Variants in ZSWIM6 observed in about 807,000 individuals in gnomAD.
The protein encoded by ZSWIM6 is zinc finger SWIM domain-containing protein 6.
Under a neutral mutation model 113.2 loss-of-function variants are expected in ZSWIM6, and 9 were observed. The ratio of observed to expected loss-of-function variants is 0.08; its 90% CI spans 0.05 to 0.14. ZSWIM6 has a LOEUF of 0.14. ZSWIM6 is among the 10% of genes least tolerant of loss of function. The probability of loss-of-function intolerance (pLI) is 1.00; values close to 1 mark genes in which losing one functional copy is unlikely to be tolerated. For synonymous variants in ZSWIM6, 611 were observed against 606.5 expected (o/e 1.01, Z -0.11); for missense variants, 1,162 against 1,552.2 (o/e 0.75, Z 4.22).
chr5:61,502,035 G>A (rs1376221660), intron 4 of ZSWIM6, among the ~76,000 whole-genome samples: 1 of 152,180 alleles, frequency 6.6e-6, no homozygotes, highest in East Asian at 1.9e-4. Context: ...TATCATGGTA[G>A]GGTGGAGGGG....
chr5:61,334,592 A>G (rs575801128), intron 1 of ZSWIM6, among the ~76,000 whole-genome samples: 8 of 152,310 alleles, frequency 5.3e-5, no homozygotes, highest in South Asian at 2.1e-4. Flanking sequence ...TTTGAATTCT[A>G]ATGCCATCTG....
intron 1 of ZSWIM6, among the ~76,000 whole-genome samples, chr5:61,363,982 C>CT (rs1745097904): frequency 6.7e-6 from 1 of 148,614 alleles, no homozygotes; most frequent in South Asian, 2.2e-4. Context: ...CCCTCCCTCC[C>CT]TCCCTCCCTT....
chr5:61,472,649 TA>T lies in ZSWIM6; in HGVS notation c.677-29del. 5 of 1,456,182 alleles carry T rather than the reference TA, an allele frequency of 3.4e-6. No homozygotes were observed. Among genetic ancestry groups the T allele is most frequent in the Non-Finnish European group, 4.6e-6 (5 of 1,091,326 alleles). 90.2% of individuals were successfully genotyped at this position (1,456,182 alleles called of 1,614,324 possible). A position where few individuals can be genotyped will look rare whatever the true frequency, so the allele number is the denominator to read the frequency against. On this transcript the variant is annotated intron_variant, in intron 1 of 13. Transcript: ENST00000252744. This position sits in a 1 kb window ranked among gnomAD's most constrained non-coding sequence, Gnocchi z 4.1. ...TTTCATAGCATCTGAATGCAGAAGC[TA>T]AACCCTCCCTTTCTTTCTTTCACCC...
At position 61,544,418 on chromosome 5, in the gene ZSWIM6, C is replaced by T; in HGVS notation, c.*101C>T. ...CTTTTTAACTTAAAGAACAGAGCCA[C>T]ACCGGTATTATATGTGTATAGTTAT... On this transcript the variant is annotated 3_prime_UTR_variant, in exon 14 of 14. Coordinates refer to ENST00000252744, the MANE Select transcript of ZSWIM6 (RefSeq NM_020928.2). 1 of 774,246 alleles carries T rather than the reference C, an allele frequency of 1.3e-6. No homozygotes were observed. 48.0% of individuals were successfully genotyped at this position (774,246 alleles called of 1,614,324 possible).
intron 1 of ZSWIM6, chr5:61,390,991 T>C (rs1033805452): frequency 2.6e-5 from 20 of 755,766 alleles, no homozygotes; most frequent in Non-Finnish European, 4.9e-5. Flanking sequence ...CAGTTTGCTG[T>C]CCCTGACAAA....
intron 1 of ZSWIM6, among the ~76,000 whole-genome samples, chr5:61,362,023 A>G (rs1429828325): frequency 6.6e-6 from 1 of 152,250 alleles, no homozygotes; most frequent in Non-Finnish European, 1.5e-5. Flanking sequence ...CTCTCTTGGT[A>G]TACAGTACTT....
At chr5:61,355,005 G>A (rs1361141679) in intron 1 of ZSWIM6, among the ~76,000 whole-genome samples, 3 of 152,014 alleles carry the variant, frequency 2.0e-5, no homozygotes, top group Non-Finnish European at 2.9e-5. Flanking sequence ...AGTAATTAAA[G>A]GTATCTCAAG....
chr5:61,339,963 C>G (rs1001821022), intron 1 of ZSWIM6, among the ~76,000 whole-genome samples: 1 of 152,154 alleles, frequency 6.6e-6, no homozygotes. Flanking sequence ...AAAAGTGTTA[C>G]TGAGTCTTGT....
chr5:61,463,052 C>A (rs1747351405), intron 1 of ZSWIM6, among the ~76,000 whole-genome samples: 1 of 152,074 alleles, frequency 6.6e-6, no homozygotes, highest in Non-Finnish European at 1.5e-5. Context: ...ATACAAGTAA[C>A]TCCCAATTAT....
chr5:61,368,913 C>T (rs569250375), intron 1 of ZSWIM6, among the ~76,000 whole-genome samples: 1 of 152,248 alleles, frequency 6.6e-6, no homozygotes, highest in African/African-American at 2.4e-5. Context: ...ACTTACCACA[C>T]CTATGATGGG....
intron 1 of ZSWIM6, among the ~76,000 whole-genome samples, chr5:61,392,963 G>A (rs1046437121): frequency 6.6e-6 from 1 of 151,826 alleles, no homozygotes; most frequent in African/African-American, 2.4e-5. Flanking sequence ...TCCTGTTAAT[G>A]AATATGATCT....
At chr5:61,333,525 C>T (rs951206531) in intron 1 of ZSWIM6, among the ~76,000 whole-genome samples, 1 of 151,968 alleles carries the variant, frequency 6.6e-6, no homozygotes, top group African/African-American at 2.4e-5. Flanking sequence ...AGGGCTCCGA[C>T]GGGCGAGCGG....
At chr5:61,381,069 C>T (rs751014701) in intron 1 of ZSWIM6, among the ~76,000 whole-genome samples, 1 of 151,752 alleles carries the variant, frequency 6.6e-6, no homozygotes, top group Non-Finnish European at 1.5e-5. Flanking sequence ...GCCAACACGT[C>T]GAAACCCTGT....
chr5:61,527,735 T>A (rs1749325181), intron 7 of ZSWIM6, among the ~76,000 whole-genome samples: 1 of 152,196 alleles, frequency 6.6e-6, no homozygotes, highest in Non-Finnish European at 1.5e-5. Context: ...CTTGTTATAC[T>A]GTGCAAAAAG....
chr5:61,473,618 A>T (rs1747633571), intron 2 of ZSWIM6, among the ~76,000 whole-genome samples: 1 of 152,210 alleles, frequency 6.6e-6, no homozygotes, highest in Admixed American at 6.5e-5. Context: ...CAGTGCAAAT[A>T]TGTCAACTCA....
rs1744272303 is a variant in ZSWIM6, at chr5:61,332,440, G to C, written c.168G>C (p.Ala56=). The change falls in exon 1 of 14, where the codon GCG becomes GCC. Residue 56 remains alanine, a synonymous_variant. Transcript: ENST00000252744. ...CGGGTGGCGCGGCGGCGGCGGCGGC[G>C]TGCGGGGGCGGCGCGGCGCTGGGGT... ...PRAGGAAAAA[A]CGGGAALGLL... is the part of the protein sequence containing the mutation. 9.9e-7 allele frequency: 1 copy of C among 1,015,128 alleles called. No homozygotes were observed. Among genetic ancestry groups the C allele is most frequent in the Admixed American group, 6.1e-5 (1 of 16,418 alleles). 62.9% of individuals were successfully genotyped at this position (1,015,128 alleles called of 1,614,324 possible). A position where few individuals can be genotyped will look rare whatever the true frequency, so the allele number is the denominator to read the frequency against.
chr5:61,369,034 A>G (rs1257238492), intron 1 of ZSWIM6, among the ~76,000 whole-genome samples: 4 of 152,238 alleles, frequency 2.6e-5, no homozygotes. Flanking sequence ...GATACATTTT[A>G]GTTACCAAAT....
chr5:61,471,162 G>A (rs891120439), intron 1 of ZSWIM6, among the ~76,000 whole-genome samples: 77 of 152,334 alleles, frequency 5.1e-4, no homozygotes, highest in African/African-American at 1.8e-3. Flanking sequence ...CTGGGAGAGA[G>A]CCCAGGGCTT....
chr5:61,465,436 C>G (rs942591391), intron 1 of ZSWIM6, among the ~76,000 whole-genome samples: 1 of 112,810 alleles, frequency 8.9e-6, no homozygotes, highest in African/African-American at 3.4e-5. Context: ...TTTTTTTTTT[C>G]TAGTTCAACA....
Sources: gnomAD v4.1 joint callset for allele counts (sites outside exome capture counted in the v4.1 genomes callset) on GRCh38, gnomAD v4.1.1 for gene constraint, Gnocchi (gnomAD v3.1) non-coding constraint, MANE v1.5 for transcripts, NCBI Gene and HGNC (gene_info 2026-07-23, HGNC 2026-07-21) for gene names.